STK31: variants seen among roughly 807,000 people sequenced by gnomAD.
The protein encoded by STK31 is serine/threonine-protein kinase 31.
Under a neutral mutation model 129.7 loss-of-function variants are expected in STK31, and 89 were observed. The observed-to-expected ratio is 0.69, with a 90% CI of 0.58 to 0.82. STK31 has a LOEUF of 0.82. STK31 is among the 40% of genes least tolerant of loss of function. STK31 has a pLI of 0.00. For synonymous variants in STK31, 448 were observed against 395.3 expected, an observed-to-expected ratio of 1.13 and a Z score of -1.58; for missense variants, 1,187 against 1,176.4, an observed-to-expected ratio of 1.01 and a Z score of -0.13.
rs939262539 is a variant in STK31, at chr7:23,717,974, C to T, written c.249+395C>T. Among the ~76,000 whole-genome samples, 5 of 152,008 alleles carry T rather than the reference C, an allele frequency of 3.3e-5. 1 individual carries two copies. The highest frequency in any genetic ancestry group is 1.2e-4 in the African/African-American group (5 of 41,400). On this transcript the variant is annotated intron_variant, in intron 4 of 23. Coordinates refer to ENST00000355870, the MANE Select transcript of STK31 (RefSeq NM_031414.5). ...TTATTGATTAATGGGTGTAGAGTTTCAGTTTTACAACATGAAAAGAGCTAT... is the reference window on the plus strand; with the variant it reads ...TTATTGATTAATGGGTGTAGAGTTTTAGTTTTACAACATGAAAAGAGCTAT...
At chr7:23,722,955 A>G (rs946061945) in intron 4 of STK31, 1 of 152,056 alleles carries the variant, frequency 6.6e-6, no homozygotes, top group Non-Finnish European at 1.5e-5. Context: ...TTAGGGTGAG[A>G]GTGTCCCGAA....
At chr7:23,776,754 C>G (rs1170709271) in intron 15 of STK31, among the ~76,000 whole-genome samples, 1 of 151,974 alleles carries the variant, frequency 6.6e-6, no homozygotes, top group East Asian at 1.9e-4. Flanking sequence ...TTTTGTTGAT[C>G]TTTTCAAAAA....
chr7:23,810,596 CTT>C (rs1317827565), intron 22 of STK31, among the ~76,000 whole-genome samples: 2 of 121,674 alleles, frequency 1.6e-5, no homozygotes, highest in Non-Finnish European at 3.3e-5. Flanking sequence ...AAGAGTCCAT[CTT>C]TTTATATATA....
chr7:23,737,815 T>G (rs1465943981), intron 8 of STK31, among the ~76,000 whole-genome samples: 2 of 152,118 alleles, frequency 1.3e-5, no homozygotes, highest in African/African-American at 2.4e-5. Flanking sequence ...TTGCTCAGAT[T>G]TTAGTTCAGA....
At chr7:23,783,109 A>G (rs1170658699) in intron 16 of STK31, among the ~76,000 whole-genome samples, 1 of 152,222 alleles carries the variant, frequency 6.6e-6, no homozygotes, top group African/African-American at 2.4e-5. Context: ...GAACAAATTA[A>G]TAGACGAAAA....
chr7:23,771,960 C>G lies in STK31; in HGVS notation c.1834-187C>G, dbSNP rs541942613. 1.3e-5 allele frequency: 5 copies of G among 393,132 alleles called. No individual in the cohort carries two copies. In the East Asian group the frequency reaches 1.8e-4, roughly 14 times the overall value. 24.4% of individuals were successfully genotyped at this position (393,132 alleles called of 1,614,324 possible). A position where few individuals can be genotyped will look rare whatever the true frequency, so the allele number is the denominator to read the frequency against. ...TTTGAGTGCTGGAACTGATATTCTTCTAAATAGAAACATGGATTAAAAAGG... is the reference window on the plus strand; with the variant it reads ...TTTGAGTGCTGGAACTGATATTCTTGTAAATAGAAACATGGATTAAAAAGG... On this transcript the variant is annotated intron_variant, in intron 14 of 23. Transcript: ENST00000355870.
At chr7:23,714,071 C>T (rs1469841156) in intron 3 of STK31, among the ~76,000 whole-genome samples, 1 of 152,042 alleles carries the variant, frequency 6.6e-6, no homozygotes, top group African/African-American at 2.4e-5. Flanking sequence ...AATTTTTCAG[C>T]TTCATTATAA....
At position 23,710,259 on chromosome 7, in the gene STK31, C is replaced by A. The variant is rs771602595; in HGVS notation, c.-27C>A. On this transcript the variant is annotated 5_prime_UTR_variant, in exon 1 of 24. Coordinates refer to ENST00000355870, the MANE Select transcript of STK31 (RefSeq NM_031414.5). ...GCGGTAAGCCGCTGCACGTGTGCTA[C>A]GGCGGGCGGAGGGCCGAAAGTCCAG... The A allele has an allele frequency of 6.2e-7, 1 of 1,602,798 alleles. No individual in the cohort carries two copies. Among genetic ancestry groups the A allele is most frequent in the South Asian group, 1.1e-5 (1 of 88,748 alleles).
intron 15 of STK31, among the ~76,000 whole-genome samples, chr7:23,776,117 T>G (rs1013970231): frequency 6.6e-6 from 1 of 152,290 alleles, no homozygotes; most frequent in Non-Finnish European, 1.5e-5. Flanking sequence ...TCTGTTTATG[T>G]GATGCATTCT....
chr7:23,743,015 C>T (rs1038820178), intron 8 of STK31, among the ~76,000 whole-genome samples: 3 of 149,752 alleles, frequency 2.0e-5, no homozygotes, highest in East Asian at 2.0e-4. Context: ...TGCAATGGCA[C>T]GGTCTTGGCT....
At chr7:23,800,623 A>G (rs1386363593) in intron 22 of STK31, among the ~76,000 whole-genome samples, 1 of 152,160 alleles carries the variant, frequency 6.6e-6, no homozygotes, top group African/African-American at 2.4e-5. Flanking sequence ...GGGGAGGGAT[A>G]GCATTAGGAG....
chr7:23,794,936 T>A (rs764934597), intron 22 of STK31, among the ~76,000 whole-genome samples: 1 of 152,150 alleles, frequency 6.6e-6, no homozygotes, highest in African/African-American at 2.4e-5. Flanking sequence ...TTGGAACTTA[T>A]GTTTAAAAGG....
chr7:23,728,984 A>G, intron 5 of STK31, 107 bp from the exon 6 acceptor site: 1 of 945,110 alleles, frequency 1.1e-6, no homozygotes, highest in Non-Finnish European at 1.5e-6. Flanking sequence ...TGAGGTAAGA[A>G]TGCTATTTTG....
chr7:23,812,458 C>G (rs925356547), intron 22 of STK31, among the ~76,000 whole-genome samples: 2 of 139,308 alleles, frequency 1.4e-5, no homozygotes, highest in African/African-American at 5.3e-5. Context: ...GGGGTTTGCA[C>G]ATCTTCTTTA....
intron 17 of STK31, 77 bp from the exon 18 acceptor site, chr7:23,785,401 T>C (rs1791208552): frequency 1.9e-6 from 3 of 1,564,058 alleles, no homozygotes; most frequent in Non-Finnish European, 2.6e-6. Flanking sequence ...TTTAATATCG[T>C]GTAACTAATT....
chr7:23,730,879 T>TATATATATATATATA (rs1491380351), intron 6 of STK31, among the ~76,000 whole-genome samples: 22 of 39,298 alleles, frequency 5.6e-4, no homozygotes, highest in Admixed American at 1.8e-3. Flanking sequence ...TATATATATA[T>TATATATATATATATA]TTTTTTTTTT....
intron 3 of STK31, among the ~76,000 whole-genome samples, chr7:23,715,548 A>G (rs540382381): frequency 1.3e-5 from 2 of 151,946 alleles, no homozygotes; most frequent in Admixed American, 6.6e-5. Context: ...TGGGCCCAGG[A>G]GATTGAGACT....
chr7:23,811,550 C>G (rs1793131782), intron 22 of STK31: 1 of 226,736 alleles, frequency 4.4e-6, no homozygotes, highest in Non-Finnish European at 9.5e-6. Context: ...CTATGTCTTA[C>G]TGACCATCTT....
chr7:23,763,090 T>C (rs569909828), intron 11 of STK31, among the ~76,000 whole-genome samples, 167 bp downstream of exon 11: 197 of 152,328 alleles, frequency 1.3e-3, no homozygotes, highest in African/African-American at 4.5e-3. Context: ...TATATTAATA[T>C]ATTTTGTGGC....
Sources: gnomAD v4.1 joint callset for allele counts (sites outside exome capture counted in the v4.1 genomes callset) on GRCh38, gnomAD v4.1.1 for gene constraint, MANE v1.5 for transcripts, NCBI Gene and HGNC (gene_info 2026-07-23, HGNC 2026-07-21) for gene names.